ELAC2: variants seen among roughly 807,000 people sequenced by gnomAD.
ELAC2 encodes the protein zinc phosphodiesterase ELAC protein 2.
A neutral mutation model predicts 105.2 loss-of-function variants in ELAC2; 92 were observed. The observed-to-expected ratio is 0.87, with a 90% CI of 0.74 to 1.04. ELAC2 has a LOEUF of 1.04. Among genes scored for constraint, ELAC2 ranks in the 50% least tolerant of loss-of-function variants. The probability of loss-of-function intolerance (pLI) is 0.00; values close to 1 mark genes in which losing one functional copy is unlikely to be tolerated. For missense variants in ELAC2, 1,099 were observed against 1,071.7 expected (o/e 1.03, Z -0.36); for synonymous variants, 468 against 409.1 (o/e 1.14, Z -1.74).
intron 16 of ELAC2, among the ~76,000 whole-genome samples, chr17:12,996,942 CAAA>C (rs57024446): frequency 3.8e-4 from 48 of 126,566 alleles, no homozygotes; most frequent in Non-Finnish European, 3.2e-4. Context: ...GGCTGGGCAT[CAAA>C]AAAAAAAAAA....
chr17:12,992,702 T>G lies in ELAC2; in HGVS notation c.*116A>C. 29 of 1,270,344 alleles carry G rather than the reference T, an allele frequency of 2.3e-5. No homozygotes were observed. The highest frequency in any genetic ancestry group is 3.0e-5 in the Non-Finnish European group (27 of 894,886). 78.7% of individuals were successfully genotyped at this position (1,270,344 alleles called of 1,614,324 possible). On this transcript the variant is annotated 3_prime_UTR_variant, in exon 24 of 24. Coordinates refer to ENST00000338034, the MANE Select transcript of ELAC2 (RefSeq NM_018127.7). ...CGGCACAGCTCCATACCACCTATCC[T>G]GAGCTGCCTCCTGGGGGACCGTGCT... is the stretch of plus-strand genomic sequence containing the variant.
Position 12,992,401 on chromosome 17 carries a change from A to C in ELAC2, c.*417T>G. On this transcript the variant is annotated 3_prime_UTR_variant, in exon 24 of 24. Coordinates refer to ENST00000338034, the MANE Select transcript of ELAC2 (RefSeq NM_018127.7). The stretch of plus-strand genomic sequence containing the variant: ...CAAAAGAACTCACAATTGCAAACTC[A>C]ATCTTTATTGCAGCTGAAATACTAT... 2.8e-6 allele frequency: 1 copy of C among 362,686 alleles called. No individual in the cohort carries two copies. The highest frequency in any genetic ancestry group is 5.2e-6 in the Non-Finnish European group (1 of 193,926). The allele number at this position is 362,686 out of a possible 1,614,324, so 22.5% of individuals were successfully genotyped here. A position where few individuals can be genotyped will look rare whatever the true frequency, so the allele number is the denominator to read the frequency against.
chr17:13,017,110 T>C lies in ELAC2; in HGVS notation c.257A>G (p.Asn86Ser), dbSNP rs778192675. Residue 86 changes from asparagine to serine, a missense_variant, in exon 2 of 24, where the codon AAC becomes AGC. Transcript: ENST00000338034. ...VFSEFNRYLF[N>S]CGEGVQRLMQ... is the part of the protein sequence containing the mutation. ...GAGTCTCTGAACGCCTTCTCCACAG[T>C]TGAAGAGATACCTACAAGACAAACA... The C allele has an allele frequency of 9.3e-6, 15 of 1,613,786 alleles. No individual in the cohort carries two copies. Among genetic ancestry groups the C allele is most frequent in the South Asian group, 2.2e-5 (2 of 91,082 alleles).
chr17:13,006,597 CATT>C (rs952974260), intron 8 of ELAC2: 17 of 158,610 alleles, frequency 1.1e-4, no homozygotes, highest in African/African-American at 3.9e-4. Context: ...CTTCAAGTAT[CATT>C]GAGGAGAAAC....
chr17:13,002,440 C>T lies in ELAC2; in HGVS notation c.1218+1G>A. ...GACAAGGGGCCGGTCTGAGACACTA[C>T]CTTACAGCGGAAACTGGTGAGCAGG... On this transcript the variant is annotated splice_donor_variant, in intron 13 of 23. Coordinates refer to ENST00000338034, the MANE Select transcript of ELAC2 (RefSeq NM_018127.7). LOFTEE classifies it high-confidence loss of function. 6.2e-7 allele frequency: 1 copy of T among 1,613,220 alleles called. No individual in the cohort carries two copies. Among genetic ancestry groups the T allele is most frequent in the Non-Finnish European group, 8.5e-7 (1 of 1,179,630 alleles).
intron 20 of ELAC2, 38 bp from the exon 21 acceptor site, chr17:12,994,922 C>T: frequency 6.2e-7 from 1 of 1,614,102 alleles, no homozygotes; most frequent in Non-Finnish European, 8.5e-7. Flanking sequence ...CAGCTCTGCT[C>T]CCCACCTCGC....
intron 17 of ELAC2, 35 bp from the exon 18 acceptor site, chr17:12,996,013 C>T: frequency 6.3e-7 from 1 of 1,575,028 alleles, no homozygotes; most frequent in South Asian, 1.2e-5. Context: ...GTCAGCCAGG[C>T]CCCAGGGCCA....
At chr17:13,017,609 A>C in intron 1 of ELAC2, 94 bp downstream of exon 1, 1 of 1,590,990 alleles carries the variant, frequency 6.3e-7, no homozygotes, top group South Asian at 1.1e-5. Context: ...ACATGTGTGA[A>C]GCAGGGAAGC....
chr17:13,004,127 C>T (rs1825522577), intron 11 of ELAC2: 1 of 163,948 alleles, frequency 6.1e-6, no homozygotes, highest in Non-Finnish European at 1.3e-5. Flanking sequence ...TACACAGTAG[C>T]TATTTTTATC....
At chr17:13,011,918 G>T in intron 6 of ELAC2, 136 bp from the exon 7 acceptor site, 1 of 1,375,444 alleles carries the variant, frequency 7.3e-7, no homozygotes. Context: ...GAAATAACTA[G>T]TTAGTTAACT....
Position 13,011,662 on chromosome 17 carries a change from C to T in ELAC2, c.679+1G>A, listed in dbSNP as rs754290180. ...CTGCTCTGTTTTGTTTATACTATTA[C>T]CATGTGGAAGGTGTGGCTCATTTTC... On this transcript the variant is annotated splice_donor_variant, in intron 7 of 23. Transcript: ENST00000338034. LOFTEE classifies it high-confidence loss of function. The T allele has an allele frequency of 6.2e-7, 1 of 1,614,168 alleles. No homozygotes were observed.
intron 3 of ELAC2, 52 bp from the exon 4 acceptor site, chr17:13,015,884 T>A: frequency 7.1e-7 from 1 of 1,411,556 alleles, no homozygotes; most frequent in Non-Finnish European, 1.0e-6. Flanking sequence ...CTGTCGTCAC[T>A]AACAGGAGGA....
chr17:12,992,529 C>T lies in ELAC2; in HGVS notation c.*289G>A, dbSNP rs748470615. 2 of 498,706 alleles carry T rather than the reference C, an allele frequency of 4.0e-6. No individual in the cohort carries two copies. The highest frequency in any genetic ancestry group is 3.4e-5 in the Admixed American group (1 of 29,602). 30.9% of individuals were successfully genotyped at this position (498,706 alleles called of 1,614,324 possible). A position where few individuals can be genotyped will look rare whatever the true frequency, so the allele number is the denominator to read the frequency against. On this transcript the variant is annotated 3_prime_UTR_variant, in exon 24 of 24. Transcript: ENST00000338034. Reference sequence around the variant, plus strand: ...TGGATTAGAGGAAAGGTGCCGCCGTCTGTTTCCAAGACTTCTTTAAAAACT... The same window carrying T: ...TGGATTAGAGGAAAGGTGCCGCCGTTTGTTTCCAAGACTTCTTTAAAAACT...
intron 23 of ELAC2, 55 bp downstream of exon 23, chr17:12,993,632 G>A: frequency 6.2e-7 from 1 of 1,612,370 alleles, no homozygotes; most frequent in Non-Finnish European, 8.5e-7. Flanking sequence ...TCAGTGTGTA[G>A]AGTCCTGTCT....
intron 19 of ELAC2, 64 bp downstream of exon 19, chr17:12,995,639 T>G: frequency 1.7e-5 from 26 of 1,495,816 alleles, no homozygotes; most frequent in Middle Eastern, 2.3e-4. Flanking sequence ...GTGTCCACCT[T>G]GAGCTTCTGA....
At chr17:13,010,759 A>C in intron 7 of ELAC2, 88 bp from the exon 8 acceptor site, 2 of 1,202,334 alleles carry the variant, frequency 1.7e-6, no homozygotes, top group Non-Finnish European at 2.5e-6. Context: ...ACCTAATTTC[A>C]CTTCACATAA....
intron 19 of ELAC2, 110 bp from the exon 20 acceptor site, chr17:12,995,172 T>C (rs1041978587): frequency 2.6e-6 from 3 of 1,150,684 alleles, no homozygotes; most frequent in Admixed American, 1.7e-5. Context: ...GGAGAAAACA[T>C]GAGTTAAATC....
At chr17:13,008,537 C>T (rs549724235) in intron 8 of ELAC2, among the ~76,000 whole-genome samples, 3 of 152,108 alleles carry the variant, frequency 2.0e-5, no homozygotes, top group South Asian at 4.2e-4. Flanking sequence ...AGGTACTTGC[C>T]GACTTAAGGC....
Position 13,011,805 on chromosome 17 carries a change from A to C in ELAC2, c.560-23T>G. On this transcript the variant is annotated intron_variant, in intron 6 of 23. Coordinates refer to ENST00000338034, the MANE Select transcript of ELAC2 (RefSeq NM_018127.7). ...CACCTGGTCAGTACAGATACCACCA[A>C]ATTACACACTGCACAAGGTGAGCTG... is the stretch of plus-strand genomic sequence containing the variant. 5 of 1,614,054 alleles carry C rather than the reference A, an allele frequency of 3.1e-6. No homozygotes were observed. In the South Asian group the frequency reaches 5.5e-5, roughly 18 times the overall value.
Sources: allele counts gnomAD v4.1 joint callset (sites outside exome capture counted in the v4.1 genomes callset), GRCh38; gene constraint gnomAD v4.1.1; transcripts MANE v1.5; gene names NCBI Gene and HGNC (gene_info 2026-07-23, HGNC 2026-07-21).